Variants in CFAP54 observed in about 807,000 individuals in gnomAD.
CFAP54 encodes the protein cilia- and flagella-associated protein 54.
Under a neutral mutation model 370.4 loss-of-function variants are expected in CFAP54, and 290 were observed. The observed-to-expected ratio is 0.78, with a 90% CI of 0.71 to 0.86. The LOEUF (loss-of-function observed/expected upper bound fraction) is 0.86. CFAP54 is among the 40% of genes least tolerant of loss of function. CFAP54 has a pLI of 0.00. For synonymous variants in CFAP54, 1,206 were observed against 1,236.5 expected, an observed-to-expected ratio of 0.98 and a Z score of 0.52; for missense variants, 3,399 against 3,528.7, an observed-to-expected ratio of 0.96 and a Z score of 0.93.
At chr12:96,743,202 T>G (rs1028109135) in intron 52 of CFAP54, among the ~76,000 whole-genome samples, 200 bp from the exon 53 acceptor site, 1 of 152,240 alleles carries the variant, frequency 6.6e-6, no homozygotes, top group Non-Finnish European at 1.5e-5. Context: ...TTTGCAGCAC[T>G]GGAAAGTCCT....
At chr12:96,709,701 TTTATTATTATTA>T (rs71068827) in intron 48 of CFAP54, among the ~76,000 whole-genome samples, 9 of 144,072 alleles carry the variant, frequency 6.2e-5, no homozygotes, top group African/African-American at 1.0e-4. Flanking sequence ...TTGATCATGG[TTTATTATTATTA>T]TTATTATTAT....
chr12:96,551,784 A>G (rs1955697468), intron 15 of CFAP54, among the ~76,000 whole-genome samples: 1 of 152,190 alleles, frequency 6.6e-6, no homozygotes, highest in African/African-American at 2.4e-5. Context: ...GTGGCATCCA[A>G]AGACCTTGAG....
intron 4 of CFAP54, among the ~76,000 whole-genome samples, chr12:96,512,341 ATATATATATG>A (rs2059566231): frequency 1.5e-5 from 1 of 65,862 alleles, no homozygotes; most frequent in African/African-American, 6.2e-5. Context: ...ATATATATAT[ATATATATATG>A]TATATATTTG....
intron 50 of CFAP54, among the ~76,000 whole-genome samples, chr12:96,724,711 T>C (rs2136615773): frequency 6.6e-6 from 1 of 152,356 alleles, no homozygotes; most frequent in East Asian, 1.9e-4. Flanking sequence ...TGGCTTTTGT[T>C]GCCATTGCTA....
chr12:96,824,840 G>A (rs888804993), intron 65 of CFAP54, among the ~76,000 whole-genome samples: 6 of 151,960 alleles, frequency 3.9e-5, no homozygotes, highest in African/African-American at 7.3e-5. Context: ...TATTCCCTCA[G>A]TCCAGTCCTG....
intron 67 of CFAP54, among the ~76,000 whole-genome samples, chr12:96,867,450 C>G (rs1200537584): frequency 6.6e-6 from 1 of 152,140 alleles, no homozygotes; most frequent in Non-Finnish European, 1.5e-5. Context: ...GATATCTGCC[C>G]TCCTGTGTTC....
At chr12:96,640,315 C>A (rs965228762) in intron 32 of CFAP54, among the ~76,000 whole-genome samples, 27 of 152,126 alleles carry the variant, frequency 1.8e-4, no homozygotes, top group Non-Finnish European at 2.8e-4. Context: ...TGAGTGAACT[C>A]CCATTCACAA....
At chr12:96,781,714 T>C (rs1958582773) in intron 60 of CFAP54, among the ~76,000 whole-genome samples, 1 of 151,954 alleles carries the variant, frequency 6.6e-6, no homozygotes, top group African/African-American at 2.4e-5. Context: ...TATATAAAAA[T>C]AGGGGAACTA....
rs147019840 is a variant in CFAP54, at chr12:96,697,698, C to T, written c.6352-2273C>T. ...TTTCTTTTCCTATGTTATGTATTTA[C>T]ATGTTAATCTAATTTCATACTTTAT... is the stretch of plus-strand genomic sequence containing the variant. On this transcript the variant is annotated intron_variant, in intron 45 of 67. Coordinates refer to ENST00000524981, the MANE Select transcript of CFAP54 (RefSeq NM_001306084.2). Among the ~76,000 whole-genome samples the T allele has an allele frequency of 2.4e-3, 365 of 152,216 alleles. 2 individuals carry two copies. The highest frequency in any genetic ancestry group is 8.2e-3 in the African/African-American group (339 of 41,554).
At chr12:96,719,724 T>C (rs1222850368) in intron 49 of CFAP54, among the ~76,000 whole-genome samples, 3 of 152,244 alleles carry the variant, frequency 2.0e-5, no homozygotes, top group Non-Finnish European at 4.4e-5. Context: ...TGACTTTTTG[T>C]TGCCACTCTC....
chr12:96,515,757 G>T (rs535499261), intron 5 of CFAP54, among the ~76,000 whole-genome samples: 2 of 152,156 alleles, frequency 1.3e-5, no homozygotes, highest in East Asian at 3.9e-4. Context: ...GCTAGGTCCT[G>T]TGAAAGGCTT....
intron 26 of CFAP54, among the ~76,000 whole-genome samples, chr12:96,608,875 A>C (rs922335435): frequency 6.6e-6 from 1 of 152,246 alleles, no homozygotes; most frequent in African/African-American, 2.4e-5. Flanking sequence ...GCTAATTTTC[A>C]GCAAAAGTAA....
intron 33 of CFAP54, chr12:96,645,174 A>C: frequency 2.2e-6 from 1 of 456,674 alleles, no homozygotes; most frequent in Non-Finnish European, 4.4e-6. Context: ...TTAAGCACTT[A>C]CTGAGTGTCT....
intron 50 of CFAP54, among the ~76,000 whole-genome samples, chr12:96,736,015 A>T (rs1592733337): frequency 6.6e-6 from 1 of 152,354 alleles, no homozygotes; most frequent in East Asian, 1.9e-4. Flanking sequence ...AATTATGCCC[A>T]TAAATGTAAA....
At chr12:96,556,962 A>G (rs1955759484) in intron 17 of CFAP54, among the ~76,000 whole-genome samples, 1 of 152,158 alleles carries the variant, frequency 6.6e-6, no homozygotes, top group Non-Finnish European at 1.5e-5. Context: ...ACTAGGCTTC[A>G]TACCTGGGTA....
chr12:96,667,272 C>G (rs1159113810), intron 39 of CFAP54, among the ~76,000 whole-genome samples: 2 of 152,180 alleles, frequency 1.3e-5, no homozygotes, highest in Non-Finnish European at 2.9e-5. Flanking sequence ...CGTCTTCTCA[C>G]AGCTCCACTA....
Position 96,535,533 on chromosome 12 carries a change from G to A in CFAP54, c.1724G>A (p.Cys575Tyr). The A allele has an allele frequency of 6.5e-7, 1 of 1,535,370 alleles. No homozygotes were observed. Among genetic ancestry groups the A allele is most frequent in the Admixed American group, 2.0e-5 (1 of 50,962 alleles). Reference protein sequence around the residue: ...IAVHDTCLKTCGYSEDIFHLA... With the variant: ...IAVHDTCLKTYGYSEDIFHLA... ...AACTTAGATACTTGTTTGAAGACTT[G>A]TGGATATTCAGAGGATATTTTCCAT... Residue 575 changes from cysteine to tyrosine, a missense_variant, in exon 12 of 68, where the codon TGT becomes TAT. Physicochemically the swap from Cys to Tyr is radical, Grantham distance 194 (BLOSUM62 -2). This residue lies in a region of CFAP54 where 2,796 missense variants were observed against 2,869.7 expected (regional missense o/e 0.97). Transcript: ENST00000524981.
At chr12:96,741,222 A>G (rs759156911) in intron 51 of CFAP54, among the ~76,000 whole-genome samples, 1 of 152,114 alleles carries the variant, frequency 6.6e-6, no homozygotes, top group Non-Finnish European at 1.5e-5. Context: ...CCTGGAATGC[A>G]GTGGCACAGT....
At chr12:96,699,594 G>GT in intron 45 of CFAP54, among the ~76,000 whole-genome samples, 1 of 152,244 alleles carries the variant, frequency 6.6e-6, no homozygotes, top group African/African-American at 2.4e-5. Context: ...CATTAGGAGT[G>GT]TTTTTGTTTT....
Sources: gnomAD v4.1 joint callset for allele counts (sites outside exome capture counted in the v4.1 genomes callset) on GRCh38, gnomAD v4.1.1 for gene constraint, gnomAD v4.1.1 regional missense constraint, MANE v1.5 for transcripts, NCBI Gene and HGNC (gene_info 2026-07-23, HGNC 2026-07-21) for gene names.